Variants in NBAS observed in about 807,000 individuals in gnomAD.
The protein encoded by NBAS is NAG/BC035112 fusion.
In NBAS, 219 loss-of-function variants were observed where a neutral mutation model predicts 302.5. That is an observed-to-expected ratio of 0.72 (90% CI 0.65 to 0.81). The LOEUF (loss-of-function observed/expected upper bound fraction) is 0.81, where lower values mean the gene tolerates loss of function less well. Among genes scored for constraint, NBAS ranks in the 30% least tolerant of loss-of-function variants. NBAS has a pLI of 0.00. For missense variants in NBAS, 2,932 were observed against 2,841.6 expected (o/e 1.03, Z -0.72); for synonymous variants, 1,118 against 1,021.6 (o/e 1.09, Z -1.80).
the NBAS span, among the ~76,000 whole-genome samples, chr2:15,068,597 A>AC: frequency 0.58 from 87,828 of 151,952 alleles, 26,164 homozygotes; most frequent in East Asian, 0.69. Context: ...GATGACTATT[A>AC]ATTGGCAGTT....
intron 35 of NBAS, among the ~76,000 whole-genome samples, chr2:15,338,674 TACACACACACACACACACAC>T (rs70961409): frequency 1.5e-5 from 2 of 134,746 alleles, no homozygotes; most frequent in African/African-American, 5.5e-5. Flanking sequence ...AACACACACA[TACACACACACACACACACAC>T]ACACACACAC....
intron 9 of NBAS, among the ~76,000 whole-genome samples, chr2:15,532,211 C>T (rs1663251982): frequency 6.6e-6 from 1 of 152,048 alleles, no homozygotes; most frequent in Admixed American, 6.6e-5. Context: ...TACTATAGGA[C>T]AGGCATGGTG....
the NBAS span, among the ~76,000 whole-genome samples, chr2:15,042,939 GC>G: frequency 6.6e-6 from 1 of 152,200 alleles, no homozygotes; most frequent in African/African-American, 2.4e-5. Context: ...ACTTGACTCT[GC>G]CTTGTAGTAA....
At chr2:15,354,741 C>T (rs1352260300) in intron 33 of NBAS, among the ~76,000 whole-genome samples, 1 of 152,236 alleles carries the variant, frequency 6.6e-6, no homozygotes, top group African/African-American at 2.4e-5. Flanking sequence ...CTCTTCTCAG[C>T]TAGGCCTTAA....
rs75851910 is a variant in NBAS, at chr2:15,490,290, T to A, written c.955-1268A>T. ...CAATTTCAGGAGGTCAGGAACACTG[T>A]TGAATGAGTACATAGATGAAAAGAT... On this transcript the variant is annotated intron_variant, in intron 11 of 51. Coordinates refer to ENST00000281513, the MANE Select transcript of NBAS (RefSeq NM_015909.4). Among the ~76,000 whole-genome samples, 1,226 of 152,252 alleles carry A rather than the reference T, an allele frequency of 8.1e-3. 19 individuals are homozygous for A. Among genetic ancestry groups the A allele is most frequent in the East Asian group, 0.059 (305 of 5,180 alleles).
the NBAS span, among the ~76,000 whole-genome samples, chr2:14,964,594 G>A: frequency 6.6e-6 from 1 of 152,162 alleles, no homozygotes; most frequent in Admixed American, 6.5e-5. Context: ...CACAGTTTTA[G>A]TTGGATGTTT....
the NBAS span, among the ~76,000 whole-genome samples, chr2:15,045,388 G>C: frequency 6.6e-6 from 1 of 152,208 alleles, no homozygotes; most frequent in Non-Finnish European, 1.5e-5. Context: ...CAGTAACATG[G>C]CTGCCCATGG....
rs374186287 is a variant in NBAS at position 15,475,922 on chromosome 2, T to G, written c.1148-42A>C. ...AAATCAATACAAATGCATCTGCTAA[T>G]GTGGTTTAAATTCAAAATATTTAGT... On this transcript the variant is annotated intron_variant, in intron 13 of 51. Coordinates refer to ENST00000281513, the MANE Select transcript of NBAS (RefSeq NM_015909.4). The G allele has an allele frequency of 6.0e-4, 886 of 1,480,608 alleles. 1 individual carries two copies. In the Middle Eastern group the frequency reaches 8.0e-3, roughly 13 times the overall value. The allele number at this position is 1,480,608 out of a possible 1,614,324, so 91.7% of individuals were successfully genotyped here.
chr2:14,860,847 G>A, the NBAS span, among the ~76,000 whole-genome samples: 2 of 152,128 alleles, frequency 1.3e-5, no homozygotes, highest in Admixed American at 1.3e-4. Flanking sequence ...TAATTCAAGT[G>A]TTTCTATTAA....
the NBAS span, among the ~76,000 whole-genome samples, chr2:15,020,214 G>A: frequency 6.6e-6 from 1 of 152,198 alleles, no homozygotes; most frequent in Non-Finnish European, 1.5e-5. Context: ...CAAAAAGGTT[G>A]AAGATAAAGA....
the NBAS span, among the ~76,000 whole-genome samples, chr2:15,139,024 G>T: frequency 6.6e-6 from 1 of 152,080 alleles, no homozygotes; most frequent in South Asian, 2.1e-4. Context: ...GTTTGTTCTT[G>T]GAGGGCAGGA....
At chr2:15,019,944 CTT>C in the NBAS span, among the ~76,000 whole-genome samples, 38 of 152,146 alleles carry the variant, frequency 2.5e-4, no homozygotes, top group Non-Finnish European at 4.7e-4. Context: ...CTCTATAGTA[CTT>C]TGTTATAGCA....
chr2:15,075,195 T>G, the NBAS span, among the ~76,000 whole-genome samples: 1 of 152,234 alleles, frequency 6.6e-6, no homozygotes, highest in Non-Finnish European at 1.5e-5. Flanking sequence ...ACAGTACAAC[T>G]GAATACTATG....
intron 47 of NBAS, among the ~76,000 whole-genome samples, chr2:15,230,653 AT>A (rs1163335725): frequency 6.6e-6 from 1 of 152,206 alleles, no homozygotes; most frequent in Non-Finnish European, 1.5e-5. Context: ...AAGAAGCCCC[AT>A]TGAAAGGGGA....
the NBAS span, among the ~76,000 whole-genome samples, chr2:14,860,326 A>T: frequency 2.6e-5 from 4 of 152,262 alleles, no homozygotes; most frequent in Middle Eastern, 3.4e-3. Context: ...CAATTCCACT[A>T]CTGGGTACAG....
chr2:14,935,132 A>T, the NBAS span, among the ~76,000 whole-genome samples: 1 of 152,020 alleles, frequency 6.6e-6, no homozygotes, highest in East Asian at 1.9e-4. Flanking sequence ...GTCCTGCACC[A>T]TTTTTGTTTT....
the NBAS span, among the ~76,000 whole-genome samples, chr2:15,052,898 T>G: frequency 6.6e-6 from 1 of 152,174 alleles, no homozygotes; most frequent in Admixed American, 6.5e-5. Flanking sequence ...AAAAAGATTT[T>G]TAAGTGTAAA....
chr2:15,056,719 G>A, the NBAS span, among the ~76,000 whole-genome samples: 1 of 152,184 alleles, frequency 6.6e-6, no homozygotes, highest in Non-Finnish European at 1.5e-5. Context: ...GTTGAGTGTA[G>A]GGTAAGTTTT....
chr2:15,059,758 G>A, the NBAS span, among the ~76,000 whole-genome samples: 2 of 152,148 alleles, frequency 1.3e-5, no homozygotes, highest in Non-Finnish European at 2.9e-5. Context: ...GACAAGAGAA[G>A]ACTTGGGCTG....
Sources: allele counts gnomAD v4.1 joint callset (sites outside exome capture counted in the v4.1 genomes callset), GRCh38; gene constraint gnomAD v4.1.1; transcripts MANE v1.5; gene names NCBI Gene and HGNC (gene_info 2026-07-23, HGNC 2026-07-21).